The following RORA variants were observed in gnomAD, a reference collection of about 807,000 sequenced individuals.
RORA encodes nuclear receptor ROR-alpha.
In RORA, 7 loss-of-function variants were observed where a neutral mutation model predicts 69.5. That is an observed-to-expected ratio of 0.10 (90% CI 0.06 to 0.19). RORA has a LOEUF of 0.19. Among genes scored for constraint, RORA ranks in the 10% least tolerant of loss-of-function variants. RORA has a pLI of 1.00. For missense variants in RORA, 457 were observed against 663.0 expected (o/e 0.69, Z 3.41); for synonymous variants, 261 against 240.8 (o/e 1.08, Z -0.78).
intron 1 of RORA, among the ~76,000 whole-genome samples, chr15:61,220,689 C>T (rs1370135885): frequency 1.3e-5 from 2 of 152,222 alleles, no homozygotes; most frequent in Non-Finnish European, 2.9e-5. Flanking sequence ...CCGTGCCCTT[C>T]AGACCTATTC....
intron 2 of RORA, among the ~76,000 whole-genome samples, chr15:60,676,389 A>C (rs2070552945): frequency 6.6e-6 from 1 of 152,194 alleles, no homozygotes; most frequent in Non-Finnish European, 1.5e-5. Flanking sequence ...GCATATGTAA[A>C]GTTTTGTGTC....
chr15:60,839,465 T>C (rs2073167137), intron 1 of RORA, among the ~76,000 whole-genome samples: 1 of 152,110 alleles, frequency 6.6e-6, no homozygotes, highest in Non-Finnish European at 1.5e-5. Flanking sequence ...CAACCTAATA[T>C]CTCCTAGGAA....
chr15:60,508,866 T>C (rs1403936175), intron 5 of RORA, among the ~76,000 whole-genome samples: 3 of 152,184 alleles, frequency 2.0e-5, no homozygotes, highest in Non-Finnish European at 4.4e-5. Flanking sequence ...AAAACCTAGG[T>C]CGTTTATCTG....
intron 1 of RORA, among the ~76,000 whole-genome samples, chr15:61,092,170 A>T (rs557202897): frequency 1.3e-5 from 2 of 152,396 alleles, no homozygotes; most frequent in Admixed American, 1.3e-4. Flanking sequence ...AATAAAATGT[A>T]TAGTCACCTA....
intron 1 of RORA, among the ~76,000 whole-genome samples, chr15:60,873,719 C>T (rs920383026): frequency 2.0e-5 from 3 of 152,104 alleles, no homozygotes; most frequent in South Asian, 4.1e-4. Flanking sequence ...TAGCTTCCAC[C>T]GAACAACTCC....
intron 1 of RORA, among the ~76,000 whole-genome samples, chr15:60,989,727 A>AAGT (rs1894315416): frequency 6.6e-6 from 1 of 152,150 alleles, no homozygotes; most frequent in Non-Finnish European, 1.5e-5. Flanking sequence ...TTTATAAGAA[A>AAGT]AGTAGTCCAT....
intron 1 of RORA, among the ~76,000 whole-genome samples, chr15:61,205,895 T>G (rs1019476306): frequency 6.6e-6 from 1 of 151,944 alleles, no homozygotes; most frequent in African/African-American, 2.4e-5. Flanking sequence ...GGACCTGGGG[T>G]TGGTGGTATG....
intron 1 of RORA, among the ~76,000 whole-genome samples, chr15:61,043,229 C>T (rs1007851055): frequency 3.9e-5 from 6 of 152,186 alleles, no homozygotes; most frequent in African/African-American, 9.7e-5. Context: ...GGTAACTTAA[C>T]CTCAGAGCTA....
chr15:60,903,569 T>A (rs1007835331), intron 1 of RORA, among the ~76,000 whole-genome samples: 1 of 152,218 alleles, frequency 6.6e-6, no homozygotes, highest in Non-Finnish European at 1.5e-5. Flanking sequence ...CTCTGCTTTA[T>A]TTTGAAATTC....
intron 1 of RORA, among the ~76,000 whole-genome samples, chr15:60,858,471 A>T (rs973542644): frequency 2.0e-5 from 3 of 151,834 alleles, no homozygotes; most frequent in African/African-American, 7.2e-5. Flanking sequence ...GGACTCACCC[A>T]GTATGGTTCA....
intron 1 of RORA, among the ~76,000 whole-genome samples, chr15:61,013,367 A>T (rs541543554): frequency 6.6e-6 from 1 of 152,322 alleles, no homozygotes; most frequent in African/African-American, 2.4e-5. Flanking sequence ...AGCCAAACAT[A>T]TTTAACTATC....
At chr15:61,154,969 T>C (rs537404505) in intron 1 of RORA, among the ~76,000 whole-genome samples, 6 of 152,094 alleles carry the variant, frequency 3.9e-5, no homozygotes, top group Non-Finnish European at 7.4e-5. Flanking sequence ...CGTTCCCGGA[T>C]CCAGATGTTC....
intron 2 of RORA, among the ~76,000 whole-genome samples, chr15:60,615,943 A>G (rs1410289980): frequency 6.6e-6 from 1 of 152,182 alleles, no homozygotes; most frequent in Non-Finnish European, 1.5e-5. Context: ...ACCTATAAGC[A>G]TGATTGTTAT....
intron 1 of RORA, among the ~76,000 whole-genome samples, chr15:60,701,754 T>C (rs1384533808): frequency 6.6e-6 from 1 of 152,108 alleles, no homozygotes; most frequent in Non-Finnish European, 1.5e-5. Flanking sequence ...GGTGCTCCTC[T>C]CCTTCCGTAT....
chr15:60,561,951 C>CT (rs750064920), intron 2 of RORA, among the ~76,000 whole-genome samples: 4 of 150,450 alleles, frequency 2.7e-5, no homozygotes, highest in South Asian at 2.1e-4. Flanking sequence ...AATTTTTTTT[C>CT]TTTTTTTTTG....
At chr15:60,870,058 G>A (rs1225860418) in intron 1 of RORA, among the ~76,000 whole-genome samples, 1 of 152,146 alleles carries the variant, frequency 6.6e-6, no homozygotes, top group Non-Finnish European at 1.5e-5. Context: ...TTGCAACAAT[G>A]GTATAAGAAT....
chr15:60,592,175 C>T (rs940397421), intron 2 of RORA, among the ~76,000 whole-genome samples: 2 of 151,932 alleles, frequency 1.3e-5, no homozygotes, highest in Non-Finnish European at 2.9e-5. Context: ...ACCCCGTGCG[C>T]CTTTGCCCCC....
intron 1 of RORA, among the ~76,000 whole-genome samples, chr15:60,751,915 C>CATG (rs2071728329): frequency 6.6e-6 from 1 of 152,056 alleles, no homozygotes; most frequent in African/African-American, 2.4e-5. Flanking sequence ...CCTATGACTC[C>CATG]ATGTCTAGGT....
intron 2 of RORA, among the ~76,000 whole-genome samples, chr15:60,554,295 T>A (rs1354036113): frequency 6.6e-6 from 1 of 152,190 alleles, no homozygotes; most frequent in Non-Finnish European, 1.5e-5. Flanking sequence ...AAGGCTATTA[T>A]ATGGAAGTGT....
Sources: gnomAD v4.1 joint callset for allele counts (sites outside exome capture counted in the v4.1 genomes callset) on GRCh38, gnomAD v4.1.1 for gene constraint, MANE v1.5 for transcripts, NCBI Gene and HGNC (gene_info 2026-07-23, HGNC 2026-07-21) for gene names.